Variants in NCMAP observed in about 807,000 individuals in gnomAD.
NCMAP encodes noncompact myelin-associated protein.
In NCMAP, 8 loss-of-function variants were observed where a neutral mutation model predicts 7.8. That is an observed-to-expected ratio of 1.02 (90% CI 0.60 to 1.84). NCMAP has a LOEUF of 1.84. Among genes scored for constraint, NCMAP ranks in the 40% most tolerant of loss-of-function variants. The pLI is 0.00. For synonymous variants in NCMAP, 41 were observed against 52.9 expected (o/e 0.78, Z 0.98); for missense variants, 112 against 131.4 (o/e 0.85, Z 0.72).
intron 1 of NCMAP, among the ~76,000 whole-genome samples, chr1:24,565,725 G>A (rs1651210581): frequency 6.6e-6 from 1 of 151,942 alleles, no homozygotes; most frequent in South Asian, 2.1e-4. Flanking sequence ...AGCCTCTTGA[G>A]TAGCTGAGAC....
intron 1 of NCMAP, among the ~76,000 whole-genome samples, chr1:24,592,463 T>C (rs1652076566): frequency 6.6e-6 from 1 of 152,102 alleles, no homozygotes; most frequent in Admixed American, 6.6e-5. Context: ...TATACAATGT[T>C]TATGGATATA....
chr1:24,586,446 C>T (rs916787076), intron 1 of NCMAP, among the ~76,000 whole-genome samples: 5 of 152,216 alleles, frequency 3.3e-5, no homozygotes, highest in African/African-American at 1.2e-4. Context: ...CACTGCCGCT[C>T]TCTTTCCACT....
In NCMAP at chr1:24,587,749, G is replaced by A. The variant is rs188638188; in HGVS notation, c.-7-7675G>A. The stretch of plus-strand genomic sequence containing the variant: ...GCTGGTCTCGAACTCCTGGGCTCAA[G>A]CAATACACCCACCTCGGCCTCCCAA... On this transcript the variant is annotated intron_variant, in intron 1 of 3. Coordinates refer to ENST00000374392, the MANE Select transcript of NCMAP (RefSeq NM_001010980.5). 1.8e-3 allele frequency among the ~76,000 whole-genome samples: 273 copies of A among 152,156 alleles called. 1 individual carries two copies. The highest frequency in any genetic ancestry group is 6.3e-3 in the African/African-American group (261 of 41,512).
intron 1 of NCMAP, among the ~76,000 whole-genome samples, chr1:24,585,168 G>A (rs1271804486): frequency 1.3e-5 from 2 of 152,264 alleles, no homozygotes; most frequent in South Asian, 2.1e-4. Context: ...GTGATACACA[G>A]AGCCATGAAC....
intron 1 of NCMAP, among the ~76,000 whole-genome samples, chr1:24,573,969 A>AAAAAAAAAAAAC (rs1274825221): frequency 1.5e-5 from 2 of 136,866 alleles, no homozygotes; most frequent in African/African-American, 5.8e-5. Flanking sequence ...AAAAAAAAAA[A>AAAAAAAAAAAAC]AACAGAAAAA....
At chr1:24,565,038 T>C (rs1177676183) in intron 1 of NCMAP, among the ~76,000 whole-genome samples, 2 of 151,852 alleles carry the variant, frequency 1.3e-5, no homozygotes, top group African/African-American at 4.8e-5. Context: ...AAATAAATAA[T>C]GAAAGAAATG....
chr1:24,587,477 T>G (rs1364482059), intron 1 of NCMAP, among the ~76,000 whole-genome samples: 1 of 152,182 alleles, frequency 6.6e-6, no homozygotes, highest in African/African-American at 2.4e-5. Context: ...AAGTTTGAAT[T>G]GAACCTTTCA....
chr1:24,574,433 T>A (rs1177674215), intron 1 of NCMAP, among the ~76,000 whole-genome samples: 3 of 151,806 alleles, frequency 2.0e-5, no homozygotes, highest in Non-Finnish European at 4.4e-5. Flanking sequence ...GGACTGAGAG[T>A]TATATCATCA....
intron 2 of NCMAP, among the ~76,000 whole-genome samples, chr1:24,597,156 G>T (rs1652256723): frequency 6.6e-6 from 1 of 152,146 alleles, no homozygotes; most frequent in African/African-American, 2.4e-5. Flanking sequence ...GAAATGCAGG[G>T]TAGAGAGAAT....
chr1:24,560,561 ATAGG>A, intron 1 of NCMAP, among the ~76,000 whole-genome samples: 1 of 152,274 alleles, frequency 6.6e-6, no homozygotes, highest in South Asian at 2.1e-4. Flanking sequence ...TCTGGCCAAC[ATAGG>A]GAGACCCTGT....
At position 24,603,057 on chromosome 1, in the gene NCMAP, A is replaced by G. The variant is rs1191741530; in HGVS notation, c.167+2033A>G. Reference sequence around the variant, plus strand: ...TCCATCTCAAAAAATAAACAAAATAAAATAAAATAAATAAATAATAAATAA... The same window carrying G: ...TCCATCTCAAAAAATAAACAAAATAGAATAAAATAAATAAATAATAAATAA... On this transcript the variant is annotated intron_variant, in intron 3 of 3. Coordinates refer to ENST00000374392, the MANE Select transcript of NCMAP (RefSeq NM_001010980.5). Among the ~76,000 whole-genome samples, 7 of 152,108 alleles carry G rather than the reference A, an allele frequency of 4.6e-5. 1 individual carries two copies. In the East Asian group the frequency reaches 7.7e-4, roughly 17 times the overall value.
Position 24,582,831 on chromosome 1 carries a change from T to C in NCMAP, c.-7-12593T>C, listed in dbSNP as rs182536245. ...AAACGTATAGATCCTAGCTTTGCCA[T>C]GTATCAGCACAGATGCCTCAGGCAA... is the stretch of plus-strand genomic sequence containing the variant. On this transcript the variant is annotated intron_variant, in intron 1 of 3. Transcript: ENST00000374392. Among the ~76,000 whole-genome samples, 7 of 152,332 alleles carry C rather than the reference T, an allele frequency of 4.6e-5. No individual in the cohort carries two copies. In the East Asian group the frequency reaches 1.3e-3, roughly 29 times the overall value.
chr1:24,581,968 G>A (rs1227415159), intron 1 of NCMAP, among the ~76,000 whole-genome samples: 1 of 152,154 alleles, frequency 6.6e-6, no homozygotes, highest in Non-Finnish European at 1.5e-5. Context: ...AGTGAAGTTA[G>A]AGGTAAGTTG....
intron 1 of NCMAP, among the ~76,000 whole-genome samples, chr1:24,574,330 G>A (rs1651483199): frequency 6.6e-6 from 1 of 151,044 alleles, no homozygotes; most frequent in South Asian, 2.1e-4. Context: ...TGTTGGCCAG[G>A]CTGGTCTCAA....
chr1:24,599,685 C>T (rs1259588794), intron 2 of NCMAP, among the ~76,000 whole-genome samples: 5 of 152,118 alleles, frequency 3.3e-5, no homozygotes, highest in African/African-American at 1.2e-4. Flanking sequence ...TCAAGCAATT[C>T]TCCTGCCTCA....
intron 1 of NCMAP, among the ~76,000 whole-genome samples, chr1:24,562,300 C>G (rs1251977981): frequency 6.6e-6 from 1 of 152,216 alleles, no homozygotes; most frequent in East Asian, 1.9e-4. Flanking sequence ...ACTTTGCAGC[C>G]TTGTCTCCTG....
chr1:24,599,835 C>A (rs941419893), intron 2 of NCMAP, among the ~76,000 whole-genome samples: 1 of 78,920 alleles, frequency 1.3e-5, no homozygotes, highest in Non-Finnish European at 2.9e-5. Context: ...CCCCCCCCCC[C>A]CCCCTTGGCC....
intron 1 of NCMAP, among the ~76,000 whole-genome samples, chr1:24,593,508 T>C (rs2148935070): frequency 6.6e-6 from 1 of 151,964 alleles, no homozygotes; most frequent in African/African-American, 2.4e-5. Context: ...AATAAATAAA[T>C]AGAAAAACTG....
chr1:24,603,751 C>T lies in NCMAP; in HGVS notation c.168-1855C>T, dbSNP rs76043072. Among the ~76,000 whole-genome samples, 376 of 152,102 alleles carry T rather than the reference C, an allele frequency of 2.5e-3. 4 individuals are homozygous for T. The highest frequency in any genetic ancestry group is 8.6e-3 in the African/African-American group (357 of 41,482). On this transcript the variant is annotated intron_variant, in intron 3 of 3. Transcript: ENST00000374392. ...TGATGCCTGCAACTCACAAATGGTTCACGGTTCTAAAAAACTGTGTGTGAC... is the reference window on the plus strand; with the variant it reads ...TGATGCCTGCAACTCACAAATGGTTTACGGTTCTAAAAAACTGTGTGTGAC...
Sources: gnomAD v4.1 joint callset for allele counts (sites outside exome capture counted in the v4.1 genomes callset) on GRCh38, gnomAD v4.1.1 for gene constraint, MANE v1.5 for transcripts, NCBI Gene and HGNC (gene_info 2026-07-23, HGNC 2026-07-21) for gene names.